Variants in CNTNAP2 observed in about 807,000 individuals in gnomAD.
The protein encoded by CNTNAP2 is contactin associated protein 2, also known as contactin-associated protein-like 2.
CNTNAP2 carries 98 observed loss-of-function variants against 155.2 expected under a neutral mutation model. The observed-to-expected ratio is 0.63, with a 90% CI of 0.54 to 0.75. The LOEUF (loss-of-function observed/expected upper bound fraction) is 0.75. CNTNAP2 is among the 30% of genes least tolerant of loss of function. CNTNAP2 has a pLI of 0.00. For synonymous variants in CNTNAP2, 651 were observed against 631.2 expected, an observed-to-expected ratio of 1.03 and a Z score of -0.47; for missense variants, 1,727 against 1,688.1, an observed-to-expected ratio of 1.02 and a Z score of -0.40.
intron 1 of CNTNAP2, among the ~76,000 whole-genome samples, chr7:146,696,064 G>A (rs1436313421): frequency 6.6e-6 from 1 of 152,100 alleles, no homozygotes. Flanking sequence ...AATGAGTTAG[G>A]AAGTATTCCC....
At position 147,310,300 on chromosome 7, in the gene CNTNAP2, T is replaced by C. The variant is rs551674074; in HGVS notation, c.1498+10010T>C. Among the ~76,000 whole-genome samples the C allele has an allele frequency of 2.6e-5, 4 of 152,264 alleles. No individual in the cohort carries two copies. The South Asian group carries it at 6.2e-4, about 24-fold the overall frequency. On this transcript the variant is annotated intron_variant, in intron 9 of 23. Coordinates refer to ENST00000361727, the MANE Select transcript of CNTNAP2 (RefSeq NM_014141.6). The stretch of plus-strand genomic sequence containing the variant: ...TTTTCAAAGAAAAATATCATAAAAT[T>C]TCAAAAACTCTTTGACTTTCAAGAA...
chr7:146,163,322 C>T (rs114078900), intron 1 of CNTNAP2, among the ~76,000 whole-genome samples: 4,800 of 151,224 alleles, frequency 0.032, 106 homozygotes, highest in African/African-American at 0.062. Flanking sequence ...ACCTGTAATC[C>T]GAGCATTTTG....
intron 14 of CNTNAP2, among the ~76,000 whole-genome samples, chr7:147,951,113 T>C (rs1423274380): frequency 6.6e-6 from 1 of 152,210 alleles, no homozygotes; most frequent in Non-Finnish European, 1.5e-5. Flanking sequence ...GCGATTTAAT[T>C]CTCAGGCCCA....
At chr7:147,297,904 T>C (rs1373878036) in intron 8 of CNTNAP2, among the ~76,000 whole-genome samples, 3 of 152,212 alleles carry the variant, frequency 2.0e-5, no homozygotes, top group Non-Finnish European at 4.4e-5. Context: ...ATCTCTTCCG[T>C]GTACGTATTT....
At chr7:146,837,457 T>C (rs1803640330) in intron 2 of CNTNAP2, among the ~76,000 whole-genome samples, 1 of 152,154 alleles carries the variant, frequency 6.6e-6, no homozygotes, top group Non-Finnish European at 1.5e-5. Flanking sequence ...AAAAAATGTT[T>C]ATATGTTTTA....
chr7:146,289,514 G>C, intron 1 of CNTNAP2, among the ~76,000 whole-genome samples: 1 of 152,116 alleles, frequency 6.6e-6, no homozygotes, highest in East Asian at 1.9e-4. Flanking sequence ...ATTATTTAAA[G>C]AGTGCTATAG....
intron 3 of CNTNAP2, 91 bp downstream of exon 3, chr7:146,839,995 T>C: frequency 2.2e-6 from 3 of 1,386,050 alleles, no homozygotes; most frequent in African/African-American, 1.4e-5. Flanking sequence ...TAGTTATCAA[T>C]ATTTATGTAT....
chr7:147,198,224 C>T (rs1010694892), intron 8 of CNTNAP2, among the ~76,000 whole-genome samples: 16 of 143,578 alleles, frequency 1.1e-4, no homozygotes, highest in African/African-American at 4.0e-4. Context: ...TAGTTGGTTT[C>T]CAATATCCTT....
intron 1 of CNTNAP2, among the ~76,000 whole-genome samples, chr7:146,543,511 C>A (rs897527047): frequency 6.6e-6 from 1 of 151,874 alleles, no homozygotes; most frequent in Admixed American, 6.6e-5. Context: ...CACACCAGAG[C>A]GGTTGTTAAA....
At chr7:146,810,372 C>A (rs1803042985) in intron 2 of CNTNAP2, among the ~76,000 whole-genome samples, 1 of 148,242 alleles carries the variant, frequency 6.7e-6, no homozygotes. Flanking sequence ...TAATCTGTAC[C>A]TTATAGTTTT....
chr7:146,841,219 C>T (rs1024130247), intron 3 of CNTNAP2, among the ~76,000 whole-genome samples: 3 of 152,016 alleles, frequency 2.0e-5, no homozygotes, highest in African/African-American at 4.8e-5. Context: ...CAGTGAACAC[C>T]GAATACATAG....
intron 17 of CNTNAP2, among the ~76,000 whole-genome samples, chr7:148,167,362 C>T (rs1204297727): frequency 1.3e-5 from 2 of 152,140 alleles, no homozygotes; most frequent in Admixed American, 6.5e-5. Context: ...TGGTCTCAAA[C>T]TCCTGACCTC....
At chr7:147,730,401 T>G (rs1796718405) in intron 13 of CNTNAP2, among the ~76,000 whole-genome samples, 1 of 152,130 alleles carries the variant, frequency 6.6e-6, no homozygotes, top group African/African-American at 2.4e-5. Flanking sequence ...TGTCACATTT[T>G]GATAATTCTC....
At chr7:147,062,167 A>AAAAC (rs1799695217) in intron 4 of CNTNAP2, among the ~76,000 whole-genome samples, 5 of 139,266 alleles carry the variant, frequency 3.6e-5, no homozygotes, top group African/African-American at 1.1e-4. Context: ...AAAAAAAAAA[A>AAAAC]AAACCAGTTC....
intron 14 of CNTNAP2, among the ~76,000 whole-genome samples, chr7:147,931,879 T>TTTTATTTA (rs572242805): frequency 5.7e-4 from 86 of 152,116 alleles, no homozygotes; most frequent in African/African-American, 2.0e-3. Context: ...CTTTATTTTA[T>TTTTATTTA]TTTATTTATT....
chr7:147,518,100 T>G (rs1441570152), intron 11 of CNTNAP2, among the ~76,000 whole-genome samples: 2 of 152,198 alleles, frequency 1.3e-5, no homozygotes, highest in East Asian at 3.9e-4. Flanking sequence ...TAAAGCCGAA[T>G]TTCATTCTTG....
chr7:147,011,463 T>C lies in CNTNAP2; in HGVS notation c.403-32444T>C, dbSNP rs113581080. ...AAAAAAAGGAACAAGGTTGTGAGGGTAACAGAAAGAAAAGCAACTGTTCTG... is the reference window on the plus strand; with the variant it reads ...AAAAAAAGGAACAAGGTTGTGAGGGCAACAGAAAGAAAAGCAACTGTTCTG... On this transcript the variant is annotated intron_variant, in intron 3 of 23. Coordinates refer to ENST00000361727, the MANE Select transcript of CNTNAP2 (RefSeq NM_014141.6). Among the ~76,000 whole-genome samples the C allele has an allele frequency of 1.9e-3, 257 of 133,082 alleles. 2 individuals carry two copies. The highest frequency in any genetic ancestry group is 7.0e-3 in the African/African-American group (245 of 34,890). The allele number at this position is 133,082 out of a possible 152,430, so 87.3% of individuals were successfully genotyped here. A position where few individuals can be genotyped will look rare whatever the true frequency, so the allele number is the denominator to read the frequency against.
At position 146,424,928 on chromosome 7, in the gene CNTNAP2, GA is replaced by G. The variant is rs1038231156; in HGVS notation, c.97+307964del. Among the ~76,000 whole-genome samples the G allele has an allele frequency of 8.6e-5, 13 of 150,800 alleles. No individual in the cohort carries two copies. In the East Asian group the frequency reaches 1.2e-3, roughly 14 times the overall value. ...GTGTTGCAAACCTCTCTGACATATT[GA>G]AAAAAAAATTTACAAATGAAGCCTT... On this transcript the variant is annotated intron_variant, in intron 1 of 23. Transcript: ENST00000361727.
At chr7:146,121,899 C>A (rs985409418) in intron 1 of CNTNAP2, among the ~76,000 whole-genome samples, 6 of 152,012 alleles carry the variant, frequency 3.9e-5, no homozygotes, top group African/African-American at 1.4e-4. Flanking sequence ...CAAATGAAAG[C>A]CTTGAAAATA....
Sources: gnomAD v4.1 joint callset for allele counts (sites outside exome capture counted in the v4.1 genomes callset) on GRCh38, gnomAD v4.1.1 for gene constraint, MANE v1.5 for transcripts, NCBI Gene and HGNC (gene_info 2026-07-23, HGNC 2026-07-21) for gene names.